The following AKAP9 variants were observed in gnomAD, a reference collection of about 807,000 sequenced individuals.
AKAP9 encodes A-kinase anchor protein 9.
In AKAP9, 311 loss-of-function variants were observed where a neutral mutation model predicts 488.5. The ratio of observed to expected loss-of-function variants is 0.64; its 90% CI spans 0.58 to 0.70. AKAP9 has a LOEUF of 0.70. Ranked by LOEUF, AKAP9 falls within the 30% of genes least tolerant of loss-of-function variation. The pLI, the probability that AKAP9 is intolerant of heterozygous loss-of-function variation, is 0.00. For missense variants in AKAP9, 4,215 were observed against 4,374.5 expected (o/e 0.96, Z 1.03); for synonymous variants, 1,462 against 1,483.5 (o/e 0.99, Z 0.33).
chr7:91,999,161 T>C (rs10259996), intron 7 of AKAP9, among the ~76,000 whole-genome samples: 3,526 of 152,250 alleles, frequency 0.023, 157 homozygotes, highest in African/African-American at 0.081. Context: ...GATTTTTTTT[T>C]CCCCTGTCAA....
Position 92,079,697 on chromosome 7 carries a change from A to G in AKAP9, c.7564A>G (p.Ile2522Val). Residue 2522 changes from isoleucine to valine, a missense_variant, in exon 31 of 50, where the codon ATA (isoleucine) becomes GTA (valine). By Grantham distance (29) the Ile-to-Val change is conservative. Around this residue, in one of 5 missense-constraint regions of AKAP9, gnomAD observed 1,476 missense variants for 1,477.4 expected, o/e 1.00. Coordinates refer to ENST00000356239, the MANE Select transcript of AKAP9 (RefSeq NM_005751.5). Reference protein sequence around the residue: ...DLELTQCYKQIKDMQEQGQFE... With the variant: ...DLELTQCYKQVKDMQEQGQFE... ...AGAACTTACCCAGTGTTATAAACAA[A>G]TAAAAGACATGCAAGAACAAGGCCA... 1 of 1,614,116 alleles carries G rather than the reference A, an allele frequency of 6.2e-7. No homozygotes were observed. The highest frequency in any genetic ancestry group is 8.5e-7 in the Non-Finnish European group (1 of 1,179,992).
At chr7:91,973,616 G>GCT (rs1475856188) in intron 1 of AKAP9, 95 bp from the exon 2 acceptor site, 1 of 1,285,542 alleles carries the variant, frequency 7.8e-7, no homozygotes, top group Non-Finnish European at 1.1e-6. Flanking sequence ...GTGATAGTTT[G>GCT]ATCTTTAAAA....
At chr7:91,946,296 T>A (rs1325172695) in intron 1 of AKAP9, among the ~76,000 whole-genome samples, 1 of 152,218 alleles carries the variant, frequency 6.6e-6, no homozygotes, top group Non-Finnish European at 1.5e-5. Flanking sequence ...AGAGCTTACT[T>A]AGCATTCCGA....
intron 21 of AKAP9, among the ~76,000 whole-genome samples, chr7:92,050,735 A>G (rs1294863028): frequency 6.6e-6 from 1 of 152,130 alleles, no homozygotes; most frequent in Non-Finnish European, 1.5e-5. Context: ...CCTTTCTACA[A>G]ATGACTCCTA....
At chr7:91,987,793 T>A (rs747225335) in intron 3 of AKAP9, among the ~76,000 whole-genome samples, 15 of 152,132 alleles carry the variant, frequency 9.9e-5, no homozygotes, top group Non-Finnish European at 1.9e-4. Context: ...TGGACCAAAT[T>A]TATAACCCGA....
rs746947919 is a variant in AKAP9, at chr7:92,080,121, AAAG to A, written c.7992_7994del (p.Arg2664del). On this transcript the variant is annotated inframe_deletion, in exon 31 of 50. Coordinates refer to ENST00000356239, the MANE Select transcript of AKAP9 (RefSeq NM_005751.5). ...AAAAAACAGAGAGAGAAAGAAAAGA[AAAG>A]AAGCCCTCAAGATGTTGAAGTTCTC... The A allele has an allele frequency of 2.9e-5, 46 of 1,594,416 alleles. No individual in the cohort carries two copies. Among genetic ancestry groups the A allele is most frequent in the East Asian group, 6.7e-5 (3 of 44,736 alleles).
chr7:91,993,943 A>C (rs1223201527), intron 5 of AKAP9, among the ~76,000 whole-genome samples: 1 of 152,176 alleles, frequency 6.6e-6, no homozygotes, highest in African/African-American at 2.4e-5. Context: ...GGCAGGGTGA[A>C]AATAGCAAGA....
chr7:92,100,162 G>A, intron 44 of AKAP9: 1 of 332,272 alleles, frequency 3.0e-6, no homozygotes, highest in South Asian at 2.9e-5. Context: ...GTCAAACCAA[G>A]ATACTTGTAT....
intron 24 of AKAP9, among the ~76,000 whole-genome samples, chr7:92,063,895 C>G (rs1195415799): frequency 6.6e-6 from 1 of 152,124 alleles, no homozygotes; most frequent in South Asian, 2.1e-4. Flanking sequence ...ATTCTTCCAC[C>G]TCAGCCTCCT....
intron 22 of AKAP9, among the ~76,000 whole-genome samples, chr7:92,054,552 T>C (rs1808472035): frequency 6.6e-6 from 1 of 151,974 alleles, no homozygotes; most frequent in Admixed American, 6.6e-5. Flanking sequence ...CTTAAGATGT[T>C]TAAGATGAGT....
intron 26 of AKAP9, among the ~76,000 whole-genome samples, chr7:92,068,222 CA>C (rs1811069801): frequency 6.6e-6 from 1 of 151,356 alleles, no homozygotes; most frequent in African/African-American, 2.4e-5. Flanking sequence ...AAAAATTAGC[CA>C]GGCGTGGTGG....
At chr7:92,076,677 T>C (rs2130855454) in intron 28 of AKAP9, among the ~76,000 whole-genome samples, 178 bp from the exon 29 acceptor site, 1 of 152,314 alleles carries the variant, frequency 6.6e-6, no homozygotes, top group South Asian at 2.1e-4. Context: ...TTTGAGCATG[T>C]CTAGGAACCA....
At chr7:92,007,082 C>T (rs980094067) in intron 8 of AKAP9, among the ~76,000 whole-genome samples, 1 of 152,050 alleles carries the variant, frequency 6.6e-6, no homozygotes, top group Non-Finnish European at 1.5e-5. Context: ...TTACCAAGAA[C>T]CAACAGTGAA....
intron 1 of AKAP9, among the ~76,000 whole-genome samples, chr7:91,961,151 A>C (rs929785359): frequency 6.6e-6 from 1 of 152,028 alleles, no homozygotes; most frequent in Admixed American, 6.6e-5. Context: ...TTGAATTGAC[A>C]TTATAAAAAC....
chr7:91,969,629 G>C (rs1794810848), intron 1 of AKAP9, among the ~76,000 whole-genome samples: 1 of 152,126 alleles, frequency 6.6e-6, no homozygotes, highest in South Asian at 2.1e-4. Flanking sequence ...ATATCCGCTT[G>C]CTAAATTGAC....
chr7:92,081,724 G>A (rs1813622947), intron 31 of AKAP9, among the ~76,000 whole-genome samples: 1 of 151,824 alleles, frequency 6.6e-6, no homozygotes, highest in South Asian at 2.1e-4. Context: ...GAGAAGATCT[G>A]AAATCGCAGT....
chr7:91,997,970 C>T (rs1798607606), intron 7 of AKAP9, among the ~76,000 whole-genome samples: 1 of 152,058 alleles, frequency 6.6e-6, no homozygotes, highest in Non-Finnish European at 1.5e-5. Flanking sequence ...GTCTTGGTTC[C>T]CTAGACCAGT....
chr7:92,053,462 T>C (rs1386409395), intron 22 of AKAP9, among the ~76,000 whole-genome samples: 1 of 152,146 alleles, frequency 6.6e-6, no homozygotes, highest in Non-Finnish European at 1.5e-5. Context: ...AACAGGCTAC[T>C]AGAGAGAAAC....
At chr7:92,059,994 T>C (rs1376405948) in intron 22 of AKAP9, among the ~76,000 whole-genome samples, 2 of 151,920 alleles carry the variant, frequency 1.3e-5, no homozygotes, top group African/African-American at 4.8e-5. Context: ...TTCATATTAA[T>C]TGCAAATAAG....
Sources: allele counts gnomAD v4.1 joint callset (sites outside exome capture counted in the v4.1 genomes callset), GRCh38; gene constraint gnomAD v4.1.1; regional missense constraint gnomAD v4.1.1; transcripts MANE v1.5; gene names NCBI Gene and HGNC (gene_info 2026-07-23, HGNC 2026-07-21).